MYOF: variants seen among roughly 807,000 people sequenced by gnomAD.
MYOF encodes myoferlin.
In MYOF, 244 loss-of-function variants were observed where a neutral mutation model predicts 284.2. The ratio of observed to expected loss-of-function variants is 0.86; its 90% CI spans 0.77 to 0.95. The LOEUF is 0.95. Ranked by LOEUF, MYOF falls within the 40% of genes least tolerant of loss-of-function variation. The pLI, the probability that MYOF is intolerant of heterozygous loss-of-function variation, is 0.00. For synonymous variants in MYOF, 904 were observed against 919.7 expected, an observed-to-expected ratio of 0.98 and a Z score of 0.31; for missense variants, 2,496 against 2,560.6, an observed-to-expected ratio of 0.97 and a Z score of 0.54.
At chr10:93,401,169 CAA>C (rs1847275168) in intron 12 of MYOF, among the ~76,000 whole-genome samples, 2 of 152,170 alleles carry the variant, frequency 1.3e-5, no homozygotes, top group South Asian at 4.1e-4. Flanking sequence ...TATAGAATAG[CAA>C]GAGAGAGAGT....
Position 93,323,309 on chromosome 10 carries a change from G to T in MYOF, c.5321C>A (p.Pro1774Gln). ...GGGTGTGATGTTGAAAGGAGGGCCT[G>T]GTGGCCCCAAACTCTTGGGGAAAAC... Reference protein sequence around the residue: ...VDVFPKSLGPPGPPFNITPRK... With the variant: ...VDVFPKSLGPQGPPFNITPRK... Residue 1774 changes from proline (P) to glutamine (Q), a missense_variant, in exon 47 of 54, where the codon CCA (proline) becomes CAA (glutamine). Pro to Gln is a moderately conservative substitution (Grantham distance 76). Around this residue, in one of 3 missense-constraint regions of MYOF, gnomAD observed 2,436 missense variants for 2,480.7 expected, o/e 0.98. Coordinates refer to ENST00000359263, the MANE Select transcript of MYOF (RefSeq NM_013451.4). 1.2e-6 allele frequency: 2 copies of T among 1,614,022 alleles called. No homozygotes were observed. The highest frequency in any genetic ancestry group is 8.5e-7 in the Non-Finnish European group (1 of 1,179,906).
intron 53 of MYOF, among the ~76,000 whole-genome samples, chr10:93,308,104 A>ATGG (rs955196272): frequency 6.8e-6 from 1 of 145,996 alleles, no homozygotes; most frequent in Non-Finnish European, 1.5e-5. Context: ...TTAGCCGGGC[A>ATGG]TGGTGGTGGG....
At chr10:93,481,403 C>G (rs1441461357) in intron 1 of MYOF, among the ~76,000 whole-genome samples, 2 of 152,116 alleles carry the variant, frequency 1.3e-5, no homozygotes, top group Non-Finnish European at 2.9e-5. Flanking sequence ...CTAAACCCTT[C>G]TCGCCTGTTT....
intron 21 of MYOF, among the ~76,000 whole-genome samples, chr10:93,377,704 A>C (rs1231502210): frequency 6.6e-6 from 1 of 152,112 alleles, no homozygotes; most frequent in African/African-American, 2.4e-5. Flanking sequence ...ACTTTGTTAA[A>C]AGGCAGAAAA....
chr10:93,372,957 A>G lies in MYOF; in HGVS notation c.2430T>C (p.Cys810=), dbSNP rs1389973826. 2 of 1,614,102 alleles carry G rather than the reference A, an allele frequency of 1.2e-6. No individual in the cohort carries two copies. Among genetic ancestry groups the G allele is most frequent in the Admixed American group, 3.3e-5 (2 of 60,004 alleles). ...TCAGAAAGATGGTTTGGGTTTTCCC[A>G]CAGTATTTTCCAGATGCATTCTCAC... ...TSGENASGKY[C]GKTQTIFLKY... The change falls in exon 24 of 54, where the codon TGT becomes TGC. Residue 810 remains cysteine (C), a synonymous_variant. Coordinates refer to ENST00000359263, the MANE Select transcript of MYOF (RefSeq NM_013451.4).
chr10:93,314,631 C>T (rs1162282264), intron 50 of MYOF, among the ~76,000 whole-genome samples: 1 of 152,188 alleles, frequency 6.6e-6, no homozygotes, highest in African/African-American at 2.4e-5. Context: ...CCATAAGACA[C>T]GTGACCTTAG....
intron 50 of MYOF, among the ~76,000 whole-genome samples, chr10:93,316,021 A>G (rs1347205343): frequency 6.6e-6 from 1 of 151,862 alleles, no homozygotes; most frequent in East Asian, 1.9e-4. Flanking sequence ...GCTACTCGGG[A>G]GGCTGAGGTG....
At chr10:93,441,258 G>A (rs1363098795) in intron 3 of MYOF, among the ~76,000 whole-genome samples, 1 of 152,026 alleles carries the variant, frequency 6.6e-6, no homozygotes, top group East Asian at 1.9e-4. Context: ...TTAAAGACAA[G>A]GTATTTCATA....
chr10:93,329,036 CT>C, intron 44 of MYOF, 125 bp from the exon 45 acceptor site: 2 of 944,556 alleles, frequency 2.1e-6, no homozygotes, highest in South Asian at 3.0e-5. Context: ...CTGCGCTACA[CT>C]CTGACTTTGG....
At chr10:93,429,416 A>G (rs57909210) in intron 4 of MYOF, among the ~76,000 whole-genome samples, 11,444 of 152,184 alleles carry the variant, frequency 0.075, 1,431 homozygotes, top group African/African-American at 0.26. Context: ...AAATGGACTA[A>G]CACACTCCAC....
Position 93,325,952 on chromosome 10 carries a change from G to C in MYOF, c.5145C>G (p.Ile1715Met). The C allele has an allele frequency of 6.2e-7, 1 of 1,614,038 alleles. No homozygotes were observed. Among genetic ancestry groups the C allele is most frequent in the Non-Finnish European group, 8.5e-7 (1 of 1,179,960 alleles). The change falls in exon 46 of 54, where the codon ATC becomes ATG. Residue 1715 changes from isoleucine to methionine, a missense_variant. This residue lies in a region of MYOF where 2,436 missense variants were observed against 2,480.7 expected (regional missense o/e 0.98). Transcript: ENST00000359263. The stretch of plus-strand genomic sequence containing the variant: ...CAGGGGCCCCGAGGTGCTGGTGCAG[G>C]ATTTTGTTGGCTTCTGCAATGGAAA... Reference protein sequence around the residue: ...YSLDEFEANKILHQHLGAPEE... With the variant: ...YSLDEFEANKMLHQHLGAPEE...
intron 3 of MYOF, among the ~76,000 whole-genome samples, chr10:93,441,590 G>T (rs1322596360): frequency 2.8e-5 from 4 of 142,056 alleles, no homozygotes; most frequent in African/African-American, 8.0e-5. Context: ...TTGAGACAGA[G>T]TCTCACTCTG....
Position 93,306,899 on chromosome 10 carries a change from T to G in MYOF, c.*64A>C. Reference sequence around the variant, plus strand: ...CTCAGACACAAAATCACACTGGATGTTGGTCTACAGAGGCAGGATTCTCTC... The same window carrying G: ...CTCAGACACAAAATCACACTGGATGGTGGTCTACAGAGGCAGGATTCTCTC... On this transcript the variant is annotated 3_prime_UTR_variant, in exon 54 of 54. Transcript: ENST00000359263. 1 of 1,517,144 alleles carries G rather than the reference T, an allele frequency of 6.6e-7. No homozygotes were observed. Among genetic ancestry groups the G allele is most frequent in the Non-Finnish European group, 9.1e-7 (1 of 1,093,626 alleles). 94.0% of individuals were successfully genotyped at this position (1,517,144 alleles called of 1,614,324 possible).
At chr10:93,405,240 C>G (rs928076466) in intron 7 of MYOF, among the ~76,000 whole-genome samples, 21 of 152,114 alleles carry the variant, frequency 1.4e-4, no homozygotes, top group Non-Finnish European at 1.6e-4. Context: ...ATTGCAACAC[C>G]ATTATCATAA....
At chr10:93,413,772 T>C (rs1355516309) in intron 5 of MYOF, among the ~76,000 whole-genome samples, 3 of 152,124 alleles carry the variant, frequency 2.0e-5, no homozygotes, top group Non-Finnish European at 4.4e-5. Flanking sequence ...GAGGATCGCT[T>C]GAGCCCAAGA....
chr10:93,397,770 T>C (rs989763591), intron 13 of MYOF, among the ~76,000 whole-genome samples: 1 of 151,880 alleles, frequency 6.6e-6, no homozygotes, highest in Non-Finnish European at 1.5e-5. Context: ...TTGGGAAGCA[T>C]CTACCATTAA....
chr10:93,393,796 T>C (rs1211190613), intron 16 of MYOF, among the ~76,000 whole-genome samples: 3 of 152,216 alleles, frequency 2.0e-5, no homozygotes, highest in Admixed American at 6.5e-5. Flanking sequence ...CCTTCCTCCT[T>C]CTGCTTCTCA....
chr10:93,323,173 T>C lies in MYOF; in HGVS notation c.5361A>G (p.Lys1787=). ...TCCAGATGATCACACGCAGGTAGTATCTGCAAGAAGCACAGTTGGAAGGTA... is the reference window on the plus strand; with the variant it reads ...TCCAGATGATCACACGCAGGTAGTACCTGCAAGAAGCACAGTTGGAAGGTA... ...PFNITPRKAK[K]YYLRVIIWNT... is the part of the protein sequence containing the mutation. The change falls in exon 48 of 54, where the codon AAA becomes AAG. Residue 1787 remains lysine (K), a splice_region_variant and synonymous_variant. Transcript: ENST00000359263. The C allele has an allele frequency of 2.5e-6, 4 of 1,614,100 alleles. No homozygotes were observed. The highest frequency in any genetic ancestry group is 3.4e-6 in the Non-Finnish European group (4 of 1,179,918).
chr10:93,404,542 T>C (rs1354652120), intron 7 of MYOF, among the ~76,000 whole-genome samples: 2 of 148,388 alleles, frequency 1.3e-5, no homozygotes, highest in Admixed American at 1.4e-4. Flanking sequence ...GGTATCGGGG[T>C]ACACCCCTGT....
Sources: gnomAD v4.1 joint callset for allele counts (sites outside exome capture counted in the v4.1 genomes callset) on GRCh38, gnomAD v4.1.1 for gene constraint, gnomAD v4.1.1 regional missense constraint, MANE v1.5 for transcripts, NCBI Gene and HGNC (gene_info 2026-07-23, HGNC 2026-07-21) for gene names.